FAF1: variants seen among roughly 807,000 people sequenced by gnomAD.
The protein encoded by FAF1 is FAS-associated factor 1.
Under a neutral mutation model 92.5 loss-of-function variants are expected in FAF1, and 25 were observed. That is an observed-to-expected ratio of 0.27 (90% CI 0.20 to 0.38). The LOEUF (loss-of-function observed/expected upper bound fraction) is 0.38, where lower values mean the gene tolerates loss of function less well. Among genes scored for constraint, FAF1 ranks in the 10% least tolerant of loss-of-function variants. The probability of loss-of-function intolerance (pLI) is 1.00; values close to 1 mark genes in which losing one functional copy is unlikely to be tolerated. For synonymous variants in FAF1, 234 were observed against 273.2 expected (o/e 0.86, Z 1.42); for missense variants, 636 against 793.3 (o/e 0.80, Z 2.38).
At chr1:50,454,860 T>C (rs1646333701) in intron 18 of FAF1, among the ~76,000 whole-genome samples, 2 of 152,204 alleles carry the variant, frequency 1.3e-5, no homozygotes, top group African/African-American at 4.8e-5. Flanking sequence ...TGAGGGCACA[T>C]AAGAGATTTT....
At chr1:50,945,539 G>A (rs966525289) in intron 1 of FAF1, among the ~76,000 whole-genome samples, 1 of 151,972 alleles carries the variant, frequency 6.6e-6, no homozygotes, top group Non-Finnish European at 1.5e-5. Flanking sequence ...GTTGATATTC[G>A]TCATATCCAA....
intron 1 of FAF1, among the ~76,000 whole-genome samples, chr1:50,899,655 G>A (rs989882492): frequency 6.6e-6 from 1 of 152,174 alleles, no homozygotes; most frequent in Admixed American, 6.5e-5. Context: ...GTTTCACCAT[G>A]TTGGCCAGGC....
intron 1 of FAF1, among the ~76,000 whole-genome samples, chr1:50,928,781 T>TAAAA (rs1645025817): frequency 3.6e-5 from 2 of 56,102 alleles, no homozygotes; most frequent in African/African-American, 1.5e-4. Context: ...AGACTCCACC[T>TAAAA]CAAAAAAAAA....
chr1:50,784,263 ATAT>A (rs1661285421), intron 4 of FAF1, among the ~76,000 whole-genome samples: 1 of 152,156 alleles, frequency 6.6e-6, no homozygotes, highest in Non-Finnish European at 1.5e-5. Context: ...AGACAACATG[ATAT>A]TATATGTAGA....
At chr1:50,819,740 CATATATATATACAT>C (rs1345167147) in intron 2 of FAF1, among the ~76,000 whole-genome samples, 1 of 28,036 alleles carries the variant, frequency 3.6e-5, no homozygotes, top group Admixed American at 5.1e-4. Context: ...CATATATATA[CATATATATATACAT>C]ATATATATAC....
intron 6 of FAF1, among the ~76,000 whole-genome samples, chr1:50,720,374 G>A (rs763276915): frequency 1.3e-5 from 2 of 152,050 alleles, no homozygotes; most frequent in Non-Finnish European, 2.9e-5. Context: ...AATTTAAGTT[G>A]AACAGTAATC....
chr1:50,823,826 T>C (rs1245391973), intron 2 of FAF1, among the ~76,000 whole-genome samples: 1 of 152,150 alleles, frequency 6.6e-6, no homozygotes, highest in Non-Finnish European at 1.5e-5. Flanking sequence ...GACTCACAAT[T>C]AAAACTTTTA....
At chr1:50,688,551 G>A (rs769868148) in intron 7 of FAF1, among the ~76,000 whole-genome samples, 13 of 152,198 alleles carry the variant, frequency 8.5e-5, no homozygotes, top group African/African-American at 1.7e-4. Context: ...GGTGGCTCAC[G>A]CCTGTAATCA....
At chr1:50,841,642 G>T (rs550127676) in intron 2 of FAF1, among the ~76,000 whole-genome samples, 1 of 151,930 alleles carries the variant, frequency 6.6e-6, no homozygotes, top group South Asian at 2.1e-4. Flanking sequence ...CCTTTGACTA[G>T]CAAAGAAAAG....
intron 15 of FAF1, among the ~76,000 whole-genome samples, chr1:50,528,801 G>C (rs1284418579): frequency 1.3e-5 from 2 of 152,064 alleles, no homozygotes; most frequent in Admixed American, 6.6e-5. Flanking sequence ...CTCTAAGACA[G>C]CAAGGCCAAC....
intron 12 of FAF1, among the ~76,000 whole-genome samples, chr1:50,571,639 G>A (rs1650445475): frequency 6.6e-6 from 1 of 152,186 alleles, no homozygotes; most frequent in African/African-American, 2.4e-5. Flanking sequence ...TGCTTATTGT[G>A]TCTCTGAGTT....
At chr1:50,630,713 G>A (rs538695632) in intron 8 of FAF1, among the ~76,000 whole-genome samples, 51 of 151,496 alleles carry the variant, frequency 3.4e-4, no homozygotes, top group Admixed American at 2.7e-3. Flanking sequence ...GTATTGAAAA[G>A]TGTATCATAT....
At chr1:50,716,954 G>A (rs1047250831) in intron 6 of FAF1, among the ~76,000 whole-genome samples, 1 of 152,154 alleles carries the variant, frequency 6.6e-6, no homozygotes, top group Admixed American at 6.5e-5. Flanking sequence ...ACCTTTAAGA[G>A]CTGTAACACT....
At chr1:50,717,691 C>G (rs1426565951) in intron 6 of FAF1, among the ~76,000 whole-genome samples, 2 of 152,136 alleles carry the variant, frequency 1.3e-5, no homozygotes, top group Non-Finnish European at 2.9e-5. Flanking sequence ...TTTGTCAAAA[C>G]TCGTATAACT....
intron 8 of FAF1, among the ~76,000 whole-genome samples, chr1:50,623,937 C>CA (rs930237051): frequency 6.1e-4 from 76 of 123,976 alleles, no homozygotes; most frequent in Admixed American, 3.2e-3. Flanking sequence ...GACCCTGTCT[C>CA]AAAAAAAAAC....
At chr1:50,832,566 A>C (rs1489201134) in intron 2 of FAF1, among the ~76,000 whole-genome samples, 1 of 152,220 alleles carries the variant, frequency 6.6e-6, no homozygotes, top group Non-Finnish European at 1.5e-5. Context: ...AATTTCAATA[A>C]TATTAAGAAG....
intron 2 of FAF1, among the ~76,000 whole-genome samples, chr1:50,856,960 A>C (rs1327232069): frequency 1.3e-5 from 2 of 151,820 alleles, no homozygotes; most frequent in East Asian, 1.9e-4. Flanking sequence ...CTATTTTTTA[A>C]ATTTAATCAC....
chr1:50,752,850 T>A lies in FAF1; in HGVS notation c.368-8075A>T, dbSNP rs555291982. Among the ~76,000 whole-genome samples the A allele has an allele frequency of 2.0e-5, 3 of 152,084 alleles. No individual in the cohort carries two copies. The East Asian group carries it at 5.8e-4, about 29-fold the overall frequency. On this transcript the variant is annotated intron_variant, in intron 4 of 18. Coordinates refer to ENST00000396153, the MANE Select transcript of FAF1 (RefSeq NM_007051.3). ...GGTACACACCGCCACACCTGGCTAA[T>A]TTTTGTATTTTTCAGTAGAGATGGG...
intron 4 of FAF1, among the ~76,000 whole-genome samples, chr1:50,784,810 G>A (rs1475388278): frequency 6.6e-6 from 1 of 152,148 alleles, no homozygotes; most frequent in Non-Finnish European, 1.5e-5. Flanking sequence ...AGATCAGTTT[G>A]TTAGTGGCAT....
Sources: gnomAD v4.1 joint callset for allele counts (sites outside exome capture counted in the v4.1 genomes callset) on GRCh38, gnomAD v4.1.1 for gene constraint, MANE v1.5 for transcripts, NCBI Gene and HGNC (gene_info 2026-07-23, HGNC 2026-07-21) for gene names.